Variants in FHIP1A observed in about 807,000 individuals in gnomAD.
FHIP1A encodes the protein FHF complex subunit HOOK-interacting protein 1A.
Under a neutral mutation model 88.6 loss-of-function variants are expected in FHIP1A, and 61 were observed. That is an observed-to-expected ratio of 0.69 (90% CI 0.56 to 0.85). The LOEUF (loss-of-function observed/expected upper bound fraction) is 0.85. FHIP1A is among the 40% of genes least tolerant of loss of function. FHIP1A has a pLI of 0.00. For synonymous variants in FHIP1A, 478 were observed against 496.0 expected (o/e 0.96, Z 0.48); for missense variants, 1,154 against 1,273.5 (o/e 0.91, Z 1.43).
At chr4:151,579,824 A>G (rs567335913) in intron 5 of FHIP1A, among the ~76,000 whole-genome samples, 18 of 152,320 alleles carry the variant, frequency 1.2e-4, no homozygotes, top group African/African-American at 4.3e-4. Flanking sequence ...AGAAAACTTA[A>G]AACACTAAGA....
intron 3 of FHIP1A, among the ~76,000 whole-genome samples, chr4:151,509,088 G>A (rs560721245): frequency 6.6e-6 from 1 of 152,282 alleles, no homozygotes; most frequent in Admixed American, 6.5e-5. Flanking sequence ...ATTACTCGAG[G>A]AGAGTAAAGG....
chr4:151,622,665 A>G (rs1446419938), intron 7 of FHIP1A, among the ~76,000 whole-genome samples: 1 of 152,064 alleles, frequency 6.6e-6, no homozygotes, highest in Non-Finnish European at 1.5e-5. Flanking sequence ...TGTTGTTTTT[A>G]TTGTTTCTTA....
At chr4:151,551,188 G>A (rs550293031) in intron 3 of FHIP1A, among the ~76,000 whole-genome samples, 1 of 152,226 alleles carries the variant, frequency 6.6e-6, no homozygotes, top group Admixed American at 6.5e-5. Flanking sequence ...AAAAGGGTAG[G>A]GGAAGTGGAC....
intron 1 of FHIP1A, among the ~76,000 whole-genome samples, chr4:151,427,908 T>G (rs1476737476): frequency 6.6e-6 from 1 of 152,186 alleles, no homozygotes; most frequent in Non-Finnish European, 1.5e-5. Context: ...AAATGGTTTA[T>G]TATGAAACTC....
At chr4:151,596,593 T>C (rs1734658930) in intron 7 of FHIP1A, among the ~76,000 whole-genome samples, 1 of 152,206 alleles carries the variant, frequency 6.6e-6, no homozygotes, top group Non-Finnish European at 1.5e-5. Context: ...GGGATGTTCA[T>C]CTGGATAATA....
intron 1 of FHIP1A, among the ~76,000 whole-genome samples, chr4:151,435,039 C>G (rs1733748849): frequency 6.6e-6 from 1 of 151,986 alleles, no homozygotes; most frequent in Non-Finnish European, 1.5e-5. Context: ...TACATGCATA[C>G]AATATATAAT....
At chr4:151,623,906 C>T (rs1465841591) in intron 7 of FHIP1A, among the ~76,000 whole-genome samples, 3 of 152,172 alleles carry the variant, frequency 2.0e-5, no homozygotes, top group African/African-American at 7.2e-5. Flanking sequence ...CTGATATAGA[C>T]CTCACATAAG....
intron 3 of FHIP1A, among the ~76,000 whole-genome samples, chr4:151,550,575 G>A (rs1732688126): frequency 6.6e-6 from 1 of 152,004 alleles, no homozygotes; most frequent in Non-Finnish European, 1.5e-5. Flanking sequence ...AAACAGCTGT[G>A]GTGTGTTTTT....
Position 151,629,837 on chromosome 4 carries a change from A to G in FHIP1A, c.1114A>G (p.Thr372Ala), listed in dbSNP as rs754478645. 4.6e-5 allele frequency: 71 copies of G among 1,551,080 alleles called. No homozygotes were observed. Among genetic ancestry groups the G allele is most frequent in the South Asian group, 8.3e-5 (7 of 84,034 alleles). The stretch of plus-strand genomic sequence containing the variant: ...GCACGAGAATGTCCACATCCTAGAC[A>G]CTCTCACGAGTCGAATCAACACCCC... ...HQHENVHILD[T>A]LTSRINTPFR... Residue 372 changes from threonine (T) to alanine (A), a missense_variant, in exon 8 of 14, where the codon ACT becomes GCT. Transcript: ENST00000435205.
intron 4 of FHIP1A, among the ~76,000 whole-genome samples, chr4:151,573,801 T>C (rs1322551851): frequency 1.3e-5 from 2 of 151,914 alleles, no homozygotes; most frequent in East Asian, 3.9e-4. Flanking sequence ...CACAGAAATA[T>C]TGGAGTTTGA....
intron 3 of FHIP1A, among the ~76,000 whole-genome samples, chr4:151,538,599 T>C (rs368535521): frequency 3.2e-4 from 49 of 152,326 alleles, no homozygotes; most frequent in East Asian, 2.5e-3. Context: ...GTGAGCTCTC[T>C]AGTCTTTCTT....
At chr4:151,619,111 C>A (rs1262498327) in intron 7 of FHIP1A, among the ~76,000 whole-genome samples, 1 of 152,152 alleles carries the variant, frequency 6.6e-6, no homozygotes, top group Non-Finnish European at 1.5e-5. Flanking sequence ...CTAGCCAGCT[C>A]TCAGGGAGGG....
intron 3 of FHIP1A, among the ~76,000 whole-genome samples, chr4:151,507,868 G>C (rs542891579): frequency 6.6e-6 from 1 of 152,208 alleles, no homozygotes; most frequent in Non-Finnish European, 1.5e-5. Flanking sequence ...TTACCAGTGA[G>C]ATTGTGTTAT....
chr4:151,653,373 T>TCTCTCCCCCTCCCTCTCC (rs1737105234), intron 11 of FHIP1A, among the ~76,000 whole-genome samples: 3 of 151,930 alleles, frequency 2.0e-5, no homozygotes, highest in Non-Finnish European at 4.4e-5. Context: ...TCTCTCTCTC[T>TCTCTCCCCCTCCCTCTCC]CTCTCCCCCT....
intron 1 of FHIP1A, among the ~76,000 whole-genome samples, chr4:151,428,057 C>G (rs1242932599): frequency 6.6e-6 from 1 of 152,074 alleles, no homozygotes; most frequent in African/African-American, 2.4e-5. Context: ...GATATAGTAT[C>G]ATGGTAATCT....
chr4:151,655,549 T>C (rs1737198584), intron 11 of FHIP1A, among the ~76,000 whole-genome samples: 1 of 152,172 alleles, frequency 6.6e-6, no homozygotes, highest in East Asian at 1.9e-4. Context: ...GACACCCTTT[T>C]CTCTCTCCTC....
At chr4:151,437,550 T>C (rs947500515) in intron 1 of FHIP1A, among the ~76,000 whole-genome samples, 17 of 152,204 alleles carry the variant, frequency 1.1e-4, no homozygotes, top group African/African-American at 4.1e-4. Flanking sequence ...TCGAAGTTGC[T>C]TTGAGGTCTG....
chr4:151,577,173 A>G (rs1487715891), intron 4 of FHIP1A, among the ~76,000 whole-genome samples: 2 of 152,196 alleles, frequency 1.3e-5, no homozygotes, highest in Non-Finnish European at 2.9e-5. Context: ...GAATGCATGT[A>G]GCTTAATTTA....
chr4:151,453,991 A>C (rs891209826), intron 1 of FHIP1A, among the ~76,000 whole-genome samples: 2 of 152,190 alleles, frequency 1.3e-5, no homozygotes, highest in Non-Finnish European at 2.9e-5. Context: ...TCCTTATGGG[A>C]CACTTTTTAA....
Sources: allele counts gnomAD v4.1 joint callset (sites outside exome capture counted in the v4.1 genomes callset), GRCh38; gene constraint gnomAD v4.1.1; transcripts MANE v1.5; gene names NCBI Gene and HGNC (gene_info 2026-07-23, HGNC 2026-07-21).